MICAL2: variants seen among roughly 807,000 people sequenced by gnomAD.
The protein encoded by MICAL2 is [F-actin]-monooxygenase MICAL2.
Under a neutral mutation model 127.3 loss-of-function variants are expected in MICAL2, and 77 were observed. The ratio of observed to expected loss-of-function variants is 0.60; its 90% CI spans 0.50 to 0.73. MICAL2 has a LOEUF of 0.73. MICAL2 is among the 30% of genes least tolerant of loss of function. The pLI is 0.00. For missense variants in MICAL2, 1,351 were observed against 1,434.4 expected (o/e 0.94, Z 0.94); for synonymous variants, 570 against 551.1 (o/e 1.03, Z -0.48).
chr11:12,118,371 C>G (rs1483880930), intron 1 of MICAL2, among the ~76,000 whole-genome samples: 1 of 152,230 alleles, frequency 6.6e-6, no homozygotes, highest in Non-Finnish European at 1.5e-5. Context: ...CAGCTGTTGT[C>G]CCCAGCCCCC....
chr11:12,222,476 G>C (rs1045493454), intron 10 of MICAL2, 141 bp from the exon 11 acceptor site: 18 of 1,137,820 alleles, frequency 1.6e-5, no homozygotes, highest in Admixed American at 2.4e-5. Context: ...AGAACCAGGA[G>C]AGTCAGGTAT....
downstream of MICAL2, chr11:12,294,803 C>T (rs772607002): frequency 7.2e-7 from 1 of 1,391,606 alleles, no homozygotes. Context: ...GGCAGCTCCT[C>T]CTCCTCCTCC....
rs182924479 is a variant in MICAL2, at chr11:12,139,210, C to G, written c.-78+750C>G. ...TCCTGTCTGGCGTTTTGGCACCCCT[C>G]CTCCCTCCTCCTCTGCCCTGCTCCT... On this transcript the variant is annotated intron_variant, in intron 2 of 27. Transcript: ENST00000683283. 4.2e-3 allele frequency among the ~76,000 whole-genome samples: 635 copies of G among 152,282 alleles called. 7 individuals carry two copies. The highest frequency in any genetic ancestry group is 0.015 in the African/African-American group (606 of 41,548).
intron 1 of MICAL2, among the ~76,000 whole-genome samples, chr11:12,120,672 G>C (rs1006188704): frequency 6.6e-6 from 1 of 152,214 alleles, no homozygotes; most frequent in African/African-American, 2.4e-5. Context: ...ACAGCACAAA[G>C]AGATGTAGAA....
downstream of MICAL2, among the ~76,000 whole-genome samples, chr11:12,268,349 C>T (rs552489995): frequency 2.0e-5 from 3 of 152,348 alleles, no homozygotes; most frequent in East Asian, 5.8e-4. Context: ...CAGGGACAAG[C>T]TGAGGTTGGC....
intron 23 of MICAL2, 117 bp downstream of exon 23, chr11:12,255,867 C>G: frequency 1.4e-6 from 1 of 728,280 alleles, no homozygotes; most frequent in Non-Finnish European, 2.3e-6. Flanking sequence ...TCTCTTGGAA[C>G]AAGAGGGGGC....
intron 5 of MICAL2, 47 bp downstream of exon 5, chr11:12,208,186 A>G (rs749602720): frequency 7.0e-7 from 1 of 1,433,160 alleles, no homozygotes; most frequent in Non-Finnish European, 9.8e-7. Context: ...ATACTACAAA[A>G]TAGAAATTCC....
At position 12,344,472 on chromosome 11, in the gene MICAL2, CTATTATTATTATTATTAT is replaced by C. The variant is rs1555024327; in HGVS notation, c.5516-5340_5516-5323del. On this transcript the variant is annotated intron_variant, in intron 32 of 34. Transcript: ENST00000646065. Reference sequence around the variant, plus strand: ...ATGATCCTTGTCAAAATTCTAGAAACTATTATTATTATTATTATTATTATTATTATTATTATTATTATT... The same window carrying C: ...ATGATCCTTGTCAAAATTCTAGAAACTATTATTATTATTATTATTATTATT... Among the ~76,000 whole-genome samples the C allele has an allele frequency of 5.5e-3, 775 of 141,470 alleles. 10 individuals carry two copies. Among genetic ancestry groups the C allele is most frequent in the African/African-American group, 0.019 (721 of 38,416 alleles). 92.8% of individuals were successfully genotyped at this position (141,470 alleles called of 152,430 possible).
At chr11:12,320,138 A>T (rs182319103) in intron 30 of MICAL2, among the ~76,000 whole-genome samples, 11 of 152,332 alleles carry the variant, frequency 7.2e-5, no homozygotes, top group Admixed American at 2.0e-4. Context: ...CAACAAGCAG[A>T]TGCATATTTC....
intron 1 of MICAL2, among the ~76,000 whole-genome samples, chr11:12,123,255 G>C (rs1850658070): frequency 6.6e-6 from 1 of 151,944 alleles, no homozygotes; most frequent in Non-Finnish European, 1.5e-5. Flanking sequence ...AAAGTAAATT[G>C]GTTAAGGCAT....
At chr11:12,302,814 C>A (rs2134807360) in intron 29 of MICAL2, among the ~76,000 whole-genome samples, 1 of 152,276 alleles carries the variant, frequency 6.6e-6, no homozygotes, top group Middle Eastern at 3.4e-3. Context: ...CAGGAAGATG[C>A]CACTGCACCT....
At chr11:12,143,199 G>A (rs78334838) in intron 2 of MICAL2, among the ~76,000 whole-genome samples, 3,445 of 152,276 alleles carry the variant, frequency 0.023, 130 homozygotes, top group African/African-American at 0.079. Context: ...AGAAAAGGAG[G>A]CAGACGGTTC....
intron 32 of MICAL2, among the ~76,000 whole-genome samples, chr11:12,332,074 C>T (rs924585859): frequency 5.3e-5 from 8 of 152,138 alleles, no homozygotes; most frequent in South Asian, 4.1e-4. Flanking sequence ...CCGCCACCAC[C>T]GCCCCCAAAA....
At chr11:12,287,597 C>A (rs1223770556), downstream of MICAL2, among the ~76,000 whole-genome samples, 3 of 151,424 alleles carry the variant, frequency 2.0e-5, no homozygotes, top group Admixed American at 6.6e-5. Flanking sequence ...ACCCACACAT[C>A]CACACACACA....
At chr11:12,132,185 G>A (rs779952497) in intron 1 of MICAL2, among the ~76,000 whole-genome samples, 1 of 152,110 alleles carries the variant, frequency 6.6e-6, no homozygotes, top group African/African-American at 2.4e-5. Flanking sequence ...AATGTTCCTC[G>A]CAGTCCCAGC....
chr11:12,180,343 G>GTA lies in MICAL2; in HGVS notation c.264+17930_264+17931dup, dbSNP rs1454157793. On this transcript the variant is annotated intron_variant, in intron 3 of 27. Coordinates refer to ENST00000683283, the MANE Select transcript of MICAL2 (RefSeq NM_001282663.2). Reference sequence around the variant, plus strand: ...GCAGTGTTTATATACATGTATATATGTATATATTTTTTTTTTGGCAGGAAG... The same window carrying GTA: ...GCAGTGTTTATATACATGTATATATGTATATATATTTTTTTTTTGGCAGGAAG... 2.7e-5 allele frequency among the ~76,000 whole-genome samples: 4 copies of GTA among 146,740 alleles called. 1 individual carries two copies. The highest frequency in any genetic ancestry group is 6.0e-5 in the Non-Finnish European group (4 of 67,098).
intron 29 of MICAL2, among the ~76,000 whole-genome samples, chr11:12,304,647 C>CAT (rs1864087316): frequency 8.3e-6 from 1 of 120,702 alleles, no homozygotes; most frequent in South Asian, 3.3e-4. Context: ...AACACACACA[C>CAT]ACACACACAC....
chr11:12,272,863 C>T (rs1863688023), upstream of MICAL2, among the ~76,000 whole-genome samples: 1 of 152,146 alleles, frequency 6.6e-6, no homozygotes, highest in Admixed American at 6.5e-5. Context: ...TGAGTGACAG[C>T]CAACTGGCAG....
Position 12,245,421 on chromosome 11 carries a change from C to A in MICAL2, c.2784+1309C>A, listed in dbSNP as rs991446072. On this transcript the variant is annotated intron_variant, in intron 21 of 27. Transcript: ENST00000683283. Reference sequence around the variant, plus strand: ...TGCCCCTTGGTGTGTAATTGGGGGTCCCACCCCTGTTGGCCTCCACCTCTG... The same window carrying A: ...TGCCCCTTGGTGTGTAATTGGGGGTACCACCCCTGTTGGCCTCCACCTCTG... 2.0e-5 allele frequency among the ~76,000 whole-genome samples: 3 copies of A among 152,326 alleles called. No homozygotes were observed. The East Asian group carries it at 5.8e-4, about 29-fold the overall frequency.
Sources: allele counts gnomAD v4.1 joint callset (sites outside exome capture counted in the v4.1 genomes callset), GRCh38; gene constraint gnomAD v4.1.1; transcripts MANE v1.5; gene names NCBI Gene and HGNC (gene_info 2026-07-23, HGNC 2026-07-21).